Variants in FHIT observed in about 807,000 individuals in gnomAD.
FHIT encodes bis(5'-adenosyl)-triphosphatase.
A neutral mutation model predicts 17.9 loss-of-function variants in FHIT; 19 were observed. The observed-to-expected ratio is 1.06, with a 90% CI of 0.74 to 1.56. FHIT has a LOEUF of 1.56. Among genes scored for constraint, FHIT ranks in the 40% most tolerant of loss-of-function variants. The pLI is 0.00. For synonymous variants in FHIT, 81 were observed against 69.7 expected, an observed-to-expected ratio of 1.16 and a Z score of -0.81; for missense variants, 248 against 189.2, an observed-to-expected ratio of 1.31 and a Z score of -1.82.
At position 60,438,118 on chromosome 3, in the gene FHIT, C is replaced by A. The variant is rs370061351; in HGVS notation, c.103+98742G>T. 1.8e-4 allele frequency among the ~76,000 whole-genome samples: 28 copies of A among 152,134 alleles called. No individual in the cohort carries two copies. The South Asian group carries it at 5.2e-3, about 28-fold the overall frequency. ...AACTGTGGCAACCGTACAGTCAAAA[C>A]AATAAGCCCCAGCATTTGCACCGTA... On this transcript the variant is annotated intron_variant, in intron 5 of 9. Transcript: ENST00000492590.
intron 5 of FHIT, among the ~76,000 whole-genome samples, chr3:60,482,212 C>T (rs1312645468): frequency 6.6e-6 from 1 of 152,094 alleles, no homozygotes; most frequent in Non-Finnish European, 1.5e-5. Context: ...CTTAGACTCC[C>T]ACACAATAAT....
chr3:60,574,302 C>T (rs149861767), intron 4 of FHIT, among the ~76,000 whole-genome samples: 2 of 151,762 alleles, frequency 1.3e-5, no homozygotes, highest in East Asian at 3.9e-4. Context: ...GTGGAAACCA[C>T]TTAAGCCTGC....
At chr3:59,901,614 A>C (rs956599095) in intron 8 of FHIT, among the ~76,000 whole-genome samples, 2 of 152,200 alleles carry the variant, frequency 1.3e-5, no homozygotes, top group African/African-American at 2.4e-5. Flanking sequence ...TGACTATAAT[A>C]AAAAGTTACA....
chr3:60,186,181 T>C (rs1411009177), intron 5 of FHIT, among the ~76,000 whole-genome samples: 1 of 152,190 alleles, frequency 6.6e-6, no homozygotes, highest in Non-Finnish European at 1.5e-5. Flanking sequence ...TGCATTATGT[T>C]TTTGGTGGTG....
chr3:60,378,517 A>C (rs1479173195), intron 5 of FHIT, among the ~76,000 whole-genome samples: 1 of 152,160 alleles, frequency 6.6e-6, no homozygotes, highest in African/African-American at 2.4e-5. Context: ...AATCATTTGG[A>C]GGTTGAAATA....
intron 7 of FHIT, among the ~76,000 whole-genome samples, chr3:59,994,667 A>G (rs1188199146): frequency 6.6e-6 from 1 of 152,074 alleles, no homozygotes; most frequent in Non-Finnish European, 1.5e-5. Flanking sequence ...GCCTGTTTCT[A>G]TTTGCAAGTA....
At chr3:60,163,649 G>A (rs1053323257) in intron 5 of FHIT, among the ~76,000 whole-genome samples, 1 of 152,104 alleles carries the variant, frequency 6.6e-6, no homozygotes, top group African/African-American at 2.4e-5. Context: ...GATTTCTATG[G>A]TTTACAGCAG....
chr3:61,228,963 G>T (rs945015575), intron 1 of FHIT, among the ~76,000 whole-genome samples: 5 of 152,090 alleles, frequency 3.3e-5, no homozygotes, highest in African/African-American at 9.7e-5. Context: ...CTTACCATGC[G>T]GAAGGGAAAA....
chr3:59,760,914 A>G (rs670469), intron 8 of FHIT, among the ~76,000 whole-genome samples: 10 of 152,038 alleles, frequency 6.6e-5, no homozygotes, highest in African/African-American at 1.2e-4. Context: ...CCCAGGCTTA[A>G]GTGATCCAGC....
chr3:60,239,598 T>C (rs1705020069), intron 5 of FHIT, among the ~76,000 whole-genome samples: 1 of 152,086 alleles, frequency 6.6e-6, no homozygotes, highest in Admixed American at 6.5e-5. Flanking sequence ...GTTTTGGGCA[T>C]GAAAAATAAG....
chr3:60,032,206 T>C (rs890070872), intron 5 of FHIT, among the ~76,000 whole-genome samples: 4 of 152,164 alleles, frequency 2.6e-5, no homozygotes, highest in Non-Finnish European at 5.9e-5. Context: ...TACTTAACTG[T>C]CCTTAATTAA....
chr3:60,321,560 C>T (rs563726640), intron 5 of FHIT, among the ~76,000 whole-genome samples: 1 of 152,264 alleles, frequency 6.6e-6, no homozygotes, highest in East Asian at 1.9e-4. Context: ...GGTTACAAAA[C>T]TTGCACAAGA....
At chr3:61,114,965 CA>C (rs2036258169) in intron 2 of FHIT, among the ~76,000 whole-genome samples, 1 of 152,168 alleles carries the variant, frequency 6.6e-6, no homozygotes, top group Admixed American at 6.6e-5. Flanking sequence ...AGCTTGACAT[CA>C]GGGCCAAAAG....
chr3:60,083,720 T>G (rs1703383145), intron 5 of FHIT, among the ~76,000 whole-genome samples: 1 of 152,188 alleles, frequency 6.6e-6, no homozygotes, highest in South Asian at 2.1e-4. Context: ...TTGCAACAAC[T>G]CAACTCTGCC....
chr3:60,298,754 T>A (rs1440155161), intron 5 of FHIT, among the ~76,000 whole-genome samples: 3 of 152,194 alleles, frequency 2.0e-5, no homozygotes, highest in Admixed American at 6.6e-5. Flanking sequence ...CTAATGTGTA[T>A]GAAATTAGAT....
chr3:60,921,334 A>C (rs1707268679), intron 3 of FHIT, among the ~76,000 whole-genome samples: 1 of 152,212 alleles, frequency 6.6e-6, no homozygotes, highest in African/African-American at 2.4e-5. Flanking sequence ...AAATCACTTA[A>C]AATATAATAG....
chr3:61,208,832 C>T (rs866414233), intron 1 of FHIT, among the ~76,000 whole-genome samples: 1 of 151,726 alleles, frequency 6.6e-6, no homozygotes, highest in African/African-American at 2.4e-5. Context: ...GGTTAATATT[C>T]TTATGTGTGA....
chr3:60,368,723 G>T lies in FHIT; in HGVS notation c.103+168137C>A, dbSNP rs376521097. Among the ~76,000 whole-genome samples, 288 of 151,882 alleles carry T rather than the reference G, an allele frequency of 1.9e-3. 2 individuals carry two copies. The highest frequency in any genetic ancestry group is 6.7e-3 in the African/African-American group (278 of 41,474). On this transcript the variant is annotated intron_variant, in intron 5 of 9. Transcript: ENST00000492590. ...TTTTCTTTTATAGCTAGTGCTTTTT[G>T]TGTGCTCTTTAAGAAATCTCTGCCT...
intron 5 of FHIT, among the ~76,000 whole-genome samples, chr3:60,350,639 T>G (rs185201630): frequency 1.3e-5 from 2 of 152,146 alleles, no homozygotes; most frequent in Admixed American, 6.5e-5. Flanking sequence ...CTCCCTGTAT[T>G]CCACCAACAG....
Sources: allele counts gnomAD v4.1 joint callset (sites outside exome capture counted in the v4.1 genomes callset), GRCh38; gene constraint gnomAD v4.1.1; transcripts MANE v1.5; gene names NCBI Gene and HGNC (gene_info 2026-07-23, HGNC 2026-07-21).